The following SORCS2 variants were observed in gnomAD, a reference collection of about 807,000 sequenced individuals.
SORCS2 encodes the protein sortilin related VPS10 domain containing receptor 2.
In SORCS2, 100 loss-of-function variants were observed where a neutral mutation model predicts 141.6. That is an observed-to-expected ratio of 0.71 (90% CI 0.60 to 0.83). SORCS2 has a LOEUF of 0.83. Ranked by LOEUF, SORCS2 falls within the 40% of genes least tolerant of loss-of-function variation. The pLI is 0.00. For missense variants in SORCS2, 1,646 were observed against 1,560.2 expected (o/e 1.05, Z -0.93); for synonymous variants, 789 against 676.9 (o/e 1.17, Z -2.57).
chr4:7,339,239 TC>T (rs1720220312), intron 1 of SORCS2, among the ~76,000 whole-genome samples: 1 of 152,198 alleles, frequency 6.6e-6, no homozygotes, highest in African/African-American at 2.4e-5. Context: ...CAAGGCTTTC[TC>T]TTTGAGAAAT....
intron 3 of SORCS2, among the ~76,000 whole-genome samples, chr4:7,629,957 A>G (rs981770712): frequency 6.6e-6 from 1 of 152,058 alleles, no homozygotes; most frequent in African/African-American, 2.4e-5. Flanking sequence ...AAGCCTCTGA[A>G]CTGTAACTCC....
At position 7,551,637 on chromosome 4, in the gene SORCS2, G is replaced by A. The variant is rs555869347; in HGVS notation, c.648+20008G>A. 9.2e-5 allele frequency among the ~76,000 whole-genome samples: 14 copies of A among 152,302 alleles called. No individual in the cohort carries two copies. The East Asian group carries it at 2.1e-3, about 23-fold the overall frequency. Reference sequence around the variant, plus strand: ...ACTGTGATGGTTTCTTACTCTACCCGTGACATGAGCTGGGTCTTCTCTGCT... The same window carrying A: ...ACTGTGATGGTTTCTTACTCTACCCATGACATGAGCTGGGTCTTCTCTGCT... On this transcript the variant is annotated intron_variant, in intron 3 of 26. Coordinates refer to ENST00000507866, the MANE Select transcript of SORCS2 (RefSeq NM_020777.3).
intron 3 of SORCS2, among the ~76,000 whole-genome samples, chr4:7,549,990 G>A (rs763423645): frequency 5.9e-5 from 9 of 152,102 alleles, no homozygotes; most frequent in Non-Finnish European, 1.0e-4. Flanking sequence ...AAAGGAATTC[G>A]ATGTAACTAA....
At chr4:7,554,233 C>T (rs1414190362) in intron 3 of SORCS2, among the ~76,000 whole-genome samples, 1 of 152,172 alleles carries the variant, frequency 6.6e-6, no homozygotes, top group African/African-American at 2.4e-5. Flanking sequence ...TCAAATACTC[C>T]CCAGAGTCTG....
chr4:7,375,634 C>T (rs1181383565), intron 1 of SORCS2, among the ~76,000 whole-genome samples: 1 of 152,236 alleles, frequency 6.6e-6, no homozygotes, highest in Non-Finnish European at 1.5e-5. Context: ...CAGAACCAGC[C>T]TGAGCCAGCT....
chr4:7,270,609 A>G (rs796401681), intron 1 of SORCS2, among the ~76,000 whole-genome samples: 13 of 152,378 alleles, frequency 8.5e-5, no homozygotes, highest in African/African-American at 2.9e-4. Context: ...ATTGTTGCTT[A>G]GAACACTTAA....
intron 2 of SORCS2, among the ~76,000 whole-genome samples, chr4:7,444,646 G>A (rs1727878420): frequency 6.6e-6 from 1 of 152,198 alleles, no homozygotes; most frequent in Non-Finnish European, 1.5e-5. Flanking sequence ...AGCCATAGCA[G>A]GGTTTTGAGC....
chr4:7,696,341 C>G (rs62290732), intron 11 of SORCS2, among the ~76,000 whole-genome samples: 18,348 of 152,244 alleles, frequency 0.12, 1,308 homozygotes, highest in Middle Eastern at 0.25. Flanking sequence ...AGTCCCAAAT[C>G]TGTCTCATCA....
chr4:7,396,306 A>C lies in SORCS2; in HGVS notation c.499A>C (p.Lys167Gln). ...ENSSVILILT[K>Q]YYHADMGKVL... ...ACCACAGGTGATCTTGATCCTGACG[A>C]AGTACTACCACGCAGACATGGGGAA... is the stretch of plus-strand genomic sequence containing the variant. Residue 167 changes from lysine to glutamine, a missense_variant, in exon 2 of 27, where the codon AAG (lysine) becomes CAG (glutamine). By Grantham distance (53) the Lys-to-Gln change is moderately conservative (BLOSUM62 1). Transcript: ENST00000507866. 5.6e-6 allele frequency: 9 copies of C among 1,613,922 alleles called. No individual in the cohort carries two copies. The highest frequency in any genetic ancestry group is 6.8e-6 in the Non-Finnish European group (8 of 1,179,868).
chr4:7,457,090 G>A (rs1728958094), intron 2 of SORCS2, among the ~76,000 whole-genome samples: 3 of 152,272 alleles, frequency 2.0e-5, no homozygotes, highest in East Asian at 3.9e-4. Context: ...CCAGCACACA[G>A]TAGGTGTCAA....
intron 1 of SORCS2, among the ~76,000 whole-genome samples, chr4:7,253,538 A>T (rs1368732970): frequency 6.6e-6 from 1 of 152,156 alleles, no homozygotes; most frequent in Non-Finnish European, 1.5e-5. Flanking sequence ...TCCCCCACTG[A>T]GTGCCGGGGC....
rs200937745 is a variant in SORCS2, at chr4:7,381,043, C to T, written c.481-15245C>T. Among the ~76,000 whole-genome samples, 13 of 143,926 alleles carry T rather than the reference C, an allele frequency of 9.0e-5. No individual in the cohort carries two copies. The East Asian group carries it at 2.0e-3, about 22-fold the overall frequency. The allele number at this position is 143,926 out of a possible 152,430, so 94.4% of individuals were successfully genotyped here. A position where few individuals can be genotyped will look rare whatever the true frequency, so the allele number is the denominator to read the frequency against. On this transcript the variant is annotated intron_variant, in intron 1 of 26. Coordinates refer to ENST00000507866, the MANE Select transcript of SORCS2 (RefSeq NM_020777.3). ...GTTTCAGTGAGCTGAGATTGCGCCACTGCACTCCAGCCTGGGTGATAGAGC... is the reference window on the plus strand; with the variant it reads ...GTTTCAGTGAGCTGAGATTGCGCCATTGCACTCCAGCCTGGGTGATAGAGC...
chr4:7,442,738 C>A (rs1223726396), intron 2 of SORCS2, among the ~76,000 whole-genome samples: 1 of 151,000 alleles, frequency 6.6e-6, no homozygotes, highest in Admixed American at 6.6e-5. Context: ...CCAGCCCAGC[C>A]CCAGCACGTG....
intron 20 of SORCS2, among the ~76,000 whole-genome samples, chr4:7,726,054 G>T (rs117175682): frequency 0.026 from 3,899 of 152,346 alleles, 252 homozygotes; most frequent in Admixed American, 0.14. Context: ...ACCCATGGGG[G>T]TGGCCTCTCC....
chr4:7,716,114 T>C (rs950389968), intron 17 of SORCS2, among the ~76,000 whole-genome samples: 2 of 152,242 alleles, frequency 1.3e-5, no homozygotes, highest in East Asian at 3.8e-4. Context: ...GCTGTGAGCC[T>C]TCAGCTTTAG....
At chr4:7,464,945 G>C (rs1023127891) in intron 2 of SORCS2, among the ~76,000 whole-genome samples, 2 of 152,236 alleles carry the variant, frequency 1.3e-5, no homozygotes, top group African/African-American at 4.8e-5. Flanking sequence ...CCTCCACGGC[G>C]GCTCCTCGCT....
At chr4:7,470,375 ATCCATCCATCTATCCT>A (rs1379946517) in intron 2 of SORCS2, among the ~76,000 whole-genome samples, 4 of 151,520 alleles carry the variant, frequency 2.6e-5, no homozygotes, top group Non-Finnish European at 5.9e-5. Flanking sequence ...CCATCCTTCC[ATCCATCCATCTATCCT>A]TCCATCCATC....
At chr4:7,384,673 T>G (rs547943643) in intron 1 of SORCS2, among the ~76,000 whole-genome samples, 1 of 152,330 alleles carries the variant, frequency 6.6e-6, no homozygotes, top group East Asian at 1.9e-4. Flanking sequence ...CAGTGTGTTC[T>G]GGGTTCCCAC....
chr4:7,399,860 G>A (rs115248624), intron 2 of SORCS2, among the ~76,000 whole-genome samples: 332 of 152,300 alleles, frequency 2.2e-3, no homozygotes, highest in African/African-American at 7.6e-3. Context: ...TCCTCCCAGA[G>A]GTTTTCCCCG....
Sources: allele counts gnomAD v4.1 joint callset (sites outside exome capture counted in the v4.1 genomes callset), GRCh38; gene constraint gnomAD v4.1.1; transcripts MANE v1.5; gene names NCBI Gene and HGNC (gene_info 2026-07-23, HGNC 2026-07-21).